Variants in CTNNA1 observed in about 807,000 individuals in gnomAD.
CTNNA1 encodes the protein catenin alpha-1.
In CTNNA1, 37 loss-of-function variants were observed where a neutral mutation model predicts 98.4. The observed-to-expected ratio is 0.38, with a 90% confidence interval of 0.29 to 0.49. CTNNA1 has a LOEUF of 0.49. Ranked by LOEUF, CTNNA1 falls within the 20% of genes least tolerant of loss-of-function variation. The pLI, the probability that CTNNA1 is intolerant of heterozygous loss-of-function variation, is 0.95. For missense variants in CTNNA1, 761 were observed against 1,147.2 expected, an observed-to-expected ratio of 0.66 and a Z score of 4.86; for synonymous variants, 404 against 413.2, an observed-to-expected ratio of 0.98 and a Z score of 0.27.
At chr5:138,870,660 G>A (rs1765251001) in intron 7 of CTNNA1, 1 of 152,182 alleles carries the variant, frequency 6.6e-6, no homozygotes, top group Non-Finnish European at 1.5e-5. Context: ...TGAAATGATG[G>A]AAAATACTCC....
chr5:138,886,202 T>G lies in CTNNA1; in HGVS notation c.1063-10T>G, dbSNP rs1035284254. The G allele has an allele frequency of 1.2e-6, 2 of 1,606,138 alleles. No homozygotes were observed. Among genetic ancestry groups the G allele is most frequent in the Non-Finnish European group, 1.7e-6 (2 of 1,177,392 alleles). ...TGAATAAAATGCTCATCTCTTTTCC[T>G]TTTATCCAGGCTGGACGTAAAGAAA... On this transcript the variant is annotated splice_polypyrimidine_tract_variant and intron_variant, in intron 7 of 17. Transcript: ENST00000302763.
At chr5:138,854,026 G>A (rs996554167) in intron 7 of CTNNA1, among the ~76,000 whole-genome samples, 2 of 152,184 alleles carry the variant, frequency 1.3e-5, no homozygotes, top group African/African-American at 2.4e-5. Context: ...AGCTGGGTTA[G>A]TGAAGGTTTT....
At chr5:138,809,773 A>G (rs537828146) in intron 3 of CTNNA1, among the ~76,000 whole-genome samples, 37 of 152,090 alleles carry the variant, frequency 2.4e-4, no homozygotes, top group South Asian at 1.7e-3. Context: ...TATTAGATCA[A>G]AGGGAAATAT....
intron 8 of CTNNA1, among the ~76,000 whole-genome samples, chr5:138,887,075 A>T (rs28363444): frequency 6.6e-6 from 1 of 152,292 alleles, no homozygotes; most frequent in East Asian, 1.9e-4. Flanking sequence ...CCTTTCAGAT[A>T]AGCCAGATAA....
At chr5:138,809,919 T>C in intron 3 of CTNNA1, 119 bp from the exon 4 acceptor site, 1 of 1,328,910 alleles carries the variant, frequency 7.5e-7, no homozygotes, top group Non-Finnish European at 9.9e-7. Flanking sequence ...AAATGAAAAC[T>C]CTTAAACTAA....
intron 7 of CTNNA1, among the ~76,000 whole-genome samples, chr5:138,849,066 A>C (rs747146764): frequency 1.3e-5 from 2 of 152,140 alleles, no homozygotes; most frequent in Non-Finnish European, 2.9e-5. Flanking sequence ...TGGCATGGGG[A>C]AGCATGGCTC....
chr5:138,769,319 G>C (rs1753267425), intron 1 of CTNNA1, among the ~76,000 whole-genome samples: 1 of 151,434 alleles, frequency 6.6e-6, no homozygotes, highest in Admixed American at 6.6e-5. Context: ...TGTGTGAAAG[G>C]TTTCTCCTCC....
At chr5:138,786,655 C>A (rs1012745487) in intron 3 of CTNNA1, among the ~76,000 whole-genome samples, 1 of 152,172 alleles carries the variant, frequency 6.6e-6, no homozygotes, top group Non-Finnish European at 1.5e-5. Flanking sequence ...GGGAAGCTGG[C>A]TGCTATGTCT....
rs1338255560 is a variant in CTNNA1, at chr5:138,931,036, T to C, written c.2298+101T>C. 7 of 724,100 alleles carry C rather than the reference T, an allele frequency of 9.7e-6. No homozygotes were observed. In the East Asian group the frequency reaches 1.3e-4, roughly 13 times the overall value. 44.9% of individuals were successfully genotyped at this position (724,100 alleles called of 1,614,324 possible). On this transcript the variant is annotated intron_variant, in intron 16 of 17. Transcript: ENST00000302763. ...TAAGTTTCATGGGCCACAGCACTTT[T>C]GCCACTCATCTCTAAAAATGGTTCT...
intron 10 of CTNNA1, among the ~76,000 whole-genome samples, chr5:138,906,850 C>T (rs549836465): frequency 6.6e-6 from 1 of 152,280 alleles, no homozygotes; most frequent in African/African-American, 2.4e-5. Flanking sequence ...TCACAAACTG[C>T]TATGCACACA....
chr5:138,923,933 C>G (rs1763433663), intron 11 of CTNNA1, among the ~76,000 whole-genome samples: 1 of 152,166 alleles, frequency 6.6e-6, no homozygotes, highest in African/African-American at 2.4e-5. Flanking sequence ...CACAATAAGC[C>G]CATCTGTGTA....
chr5:138,785,136 A>G (rs1420735430), intron 3 of CTNNA1, among the ~76,000 whole-genome samples: 4 of 145,580 alleles, frequency 2.7e-5, no homozygotes, highest in African/African-American at 7.7e-5. Context: ...ATCTCGGCTC[A>G]CTTCAAGCTC....
intron 1 of CTNNA1, among the ~76,000 whole-genome samples, chr5:138,776,021 C>T (rs1035792456): frequency 6.1e-5 from 9 of 147,304 alleles, no homozygotes; most frequent in Admixed American, 2.7e-4. Context: ...CCACCATGCC[C>T]GGCCTCTGGA....
chr5:138,897,283 C>G (rs1212864233), intron 9 of CTNNA1, among the ~76,000 whole-genome samples: 2 of 123,508 alleles, frequency 1.6e-5, no homozygotes. Context: ...GTTACCTATA[C>G]CTCACACCGC....
intron 5 of CTNNA1, among the ~76,000 whole-genome samples, chr5:138,813,578 C>T (rs1759071134): frequency 6.6e-6 from 1 of 152,170 alleles, no homozygotes; most frequent in Non-Finnish European, 1.5e-5. Context: ...CGTGCTATGA[C>T]TGCTATAGAC....
chr5:138,783,197 C>A lies in CTNNA1; in HGVS notation c.126C>A (p.Thr42=). Reference sequence around the variant, plus strand: ...TTTAGGTTACAACCCTTGTAAACACCAATAGTAAAGGGCCCTCTAATAAGA... The same window carrying A: ...TTTAGGTTACAACCCTTGTAAACACAAATAGTAAAGGGCCCTCTAATAAGA... The part of the protein sequence containing the change: ...LVTQVTTLVN[T]NSKGPSNKKR... Residue 42 remains threonine (T), a synonymous_variant, in exon 3 of 18, where the codon ACC becomes ACA. Coordinates refer to ENST00000302763, the MANE Select transcript of CTNNA1 (RefSeq NM_001903.5). 11 of 1,609,758 alleles carry A rather than the reference C, an allele frequency of 6.8e-6. No individual in the cohort carries two copies. The highest frequency in any genetic ancestry group is 9.3e-6 in the Non-Finnish European group (11 of 1,177,848).
intron 13 of CTNNA1, among the ~76,000 whole-genome samples, chr5:138,927,961 G>A (rs1764490157): frequency 2.0e-5 from 3 of 151,978 alleles, no homozygotes; most frequent in Admixed American, 2.0e-4. Context: ...ACCTCACACC[G>A]ACATGCTGTC....
At chr5:138,833,458 A>G (rs917811087) in intron 7 of CTNNA1, among the ~76,000 whole-genome samples, 1 of 152,206 alleles carries the variant, frequency 6.6e-6, no homozygotes, top group Non-Finnish European at 1.5e-5. Flanking sequence ...TATCTCACTG[A>G]TATTATTTTA....
At chr5:138,862,884 T>C (rs1764416364) in intron 7 of CTNNA1, among the ~76,000 whole-genome samples, 1 of 152,258 alleles carries the variant, frequency 6.6e-6, no homozygotes, top group South Asian at 2.1e-4. Context: ...GATTACATTC[T>C]CTATTTGATG....
Sources: allele counts gnomAD v4.1 joint callset (sites outside exome capture counted in the v4.1 genomes callset), GRCh38; gene constraint gnomAD v4.1.1; transcripts MANE v1.5; gene names NCBI Gene and HGNC (gene_info 2026-07-23, HGNC 2026-07-21).